Variants in NCAM2 observed in about 807,000 individuals in gnomAD.
NCAM2 encodes the protein neural cell adhesion molecule 2, also known as N-CAM-2.
NCAM2 carries 30 observed loss-of-function variants against 98.1 expected under a neutral mutation model. The observed-to-expected ratio is 0.31, with a 90% CI of 0.23 to 0.41. NCAM2 has a LOEUF of 0.41. NCAM2 is among the 10% of genes least tolerant of loss of function. The pLI, the probability that NCAM2 is intolerant of heterozygous loss-of-function variation, is 1.00. For missense variants in NCAM2, 867 were observed against 1,005.8 expected (o/e 0.86, Z 1.87); for synonymous variants, 368 against 342.4 (o/e 1.07, Z -0.83).
intron 9 of NCAM2, among the ~76,000 whole-genome samples, chr21:21,395,377 G>A (rs553649596): frequency 6.6e-6 from 1 of 152,108 alleles, no homozygotes; most frequent in African/African-American, 2.4e-5. Flanking sequence ...TTAAATTAGG[G>A]AGATAGAACA....
chr21:21,208,946 A>C, intron 1 of NCAM2, among the ~76,000 whole-genome samples: 1 of 152,290 alleles, frequency 6.6e-6, no homozygotes, highest in East Asian at 1.9e-4. Flanking sequence ...TGTATCCTTA[A>C]TAGGCAGGGG....
intron 1 of NCAM2, among the ~76,000 whole-genome samples, chr21:21,053,770 T>G (rs538803634): frequency 5.3e-5 from 8 of 151,728 alleles, no homozygotes; most frequent in African/African-American, 1.9e-4. Context: ...TTATCCATCT[T>G]AATTCCCCTC....
At chr21:21,183,766 A>G (rs1598) in intron 1 of NCAM2, among the ~76,000 whole-genome samples, 70,706 of 151,914 alleles carry the variant, frequency 0.47, 17,133 homozygotes, top group South Asian at 0.6. Flanking sequence ...TTCTTACTGT[A>G]TAGTATCTAA....
At chr21:21,397,844 C>T (rs116517338) in intron 9 of NCAM2, among the ~76,000 whole-genome samples, 3,088 of 152,304 alleles carry the variant, frequency 0.02, 93 homozygotes, top group African/African-American at 0.071. Flanking sequence ...TCCAGATGGG[C>T]TGCCACTGCC....
At chr21:21,537,160 A>G (rs974202016) in intron 17 of NCAM2, among the ~76,000 whole-genome samples, 2 of 151,986 alleles carry the variant, frequency 1.3e-5, no homozygotes, top group African/African-American at 4.8e-5. Flanking sequence ...GTGCAGTGGC[A>G]TGATCTCAGC....
intron 1 of NCAM2, among the ~76,000 whole-genome samples, chr21:21,246,705 C>T (rs1479916292): frequency 6.6e-6 from 1 of 152,054 alleles, no homozygotes; most frequent in Non-Finnish European, 1.5e-5. Flanking sequence ...AAAATAAATC[C>T]ATGAAAAGTT....
At position 21,542,956 on chromosome 21, in the gene NCAM2, T is replaced by C. The variant is rs1191899636; in HGVS notation, c.*4999T>C. 1 of 151,834 alleles carries C rather than the reference T, an allele frequency of 6.6e-6. No homozygotes were observed. The highest frequency in any genetic ancestry group is 1.5e-5 in the Non-Finnish European group (1 of 67,838). The allele number at this position is 151,834 out of a possible 1,614,324, so 9.4% of individuals were successfully genotyped here. A position where few individuals can be genotyped will look rare whatever the true frequency, so the allele number is the denominator to read the frequency against. On this transcript the variant is annotated 3_prime_UTR_variant, in exon 18 of 18. Transcript: ENST00000400546. ...AACTCTTAAAGAAATATTCATGGTTTAGCATTTGCCTCTAAACCCTGTTAG... is the reference window on the plus strand; with the variant it reads ...AACTCTTAAAGAAATATTCATGGTTCAGCATTTGCCTCTAAACCCTGTTAG...
chr21:21,308,160 A>T (rs2073941948), intron 5 of NCAM2, among the ~76,000 whole-genome samples: 1 of 152,096 alleles, frequency 6.6e-6, no homozygotes, highest in Non-Finnish European at 1.5e-5. Context: ...AATTAATGTT[A>T]AAGTTATTAG....
chr21:21,016,526 C>T (rs1228264620), intron 1 of NCAM2, among the ~76,000 whole-genome samples: 2 of 152,050 alleles, frequency 1.3e-5, no homozygotes, highest in Non-Finnish European at 2.9e-5. Context: ...GGGATTTGAA[C>T]TCAGTCTGAT....
chr21:21,421,420 T>G (rs2077108904), intron 11 of NCAM2, among the ~76,000 whole-genome samples: 1 of 3,678 alleles, frequency 2.7e-4, no homozygotes, highest in African/African-American at 1.2e-3. Context: ...TTTCCTAATA[T>G]TCCAAATTTT....
chr21:21,080,067 T>C (rs1193156096), intron 1 of NCAM2, among the ~76,000 whole-genome samples: 1 of 151,298 alleles, frequency 6.6e-6, no homozygotes, highest in Admixed American at 6.6e-5. Context: ...CAAGTGTTCT[T>C]ATACATGCAA....
At chr21:21,536,565 A>G (rs575377207) in intron 17 of NCAM2, among the ~76,000 whole-genome samples, 1 of 151,976 alleles carries the variant, frequency 6.6e-6, no homozygotes, top group Non-Finnish European at 1.5e-5. Flanking sequence ...TTAATTTGGT[A>G]TTTTAGTAAA....
chr21:21,226,084 C>T (rs548498242), intron 1 of NCAM2, among the ~76,000 whole-genome samples: 102 of 152,094 alleles, frequency 6.7e-4, no homozygotes, highest in African/African-American at 2.5e-3. Context: ...CATGTTCTCA[C>T]TTATAAGTAA....
In NCAM2 at chr21:21,508,953, G is replaced by C; in HGVS notation, c.2180G>C (p.Arg727Pro). 1 of 1,612,394 alleles carries C rather than the reference G, an allele frequency of 6.2e-7. No homozygotes were observed. Among genetic ancestry groups the C allele is most frequent in the Non-Finnish European group, 8.5e-7 (1 of 1,179,624 alleles). ...VVTDVSCFFI[R>P]QCGLLMCITR... ...ACAGACGTCAGCTGCTTCTTTATTCGGCAATGTGGGTTGCTGATGTGCATC... is the reference window on the plus strand; with the variant it reads ...ACAGACGTCAGCTGCTTCTTTATTCCGCAATGTGGGTTGCTGATGTGCATC... Residue 727 changes from arginine (R) to proline (P), a missense_variant, in exon 16 of 18, where the codon CGG (arginine) becomes CCG (proline). Physicochemically the swap from Arg to Pro is moderately radical, Grantham distance 103. Coordinates refer to ENST00000400546, the MANE Select transcript of NCAM2 (RefSeq NM_004540.5).
intron 1 of NCAM2, among the ~76,000 whole-genome samples, chr21:21,017,830 C>T (rs2064344457): frequency 6.6e-6 from 1 of 151,942 alleles, no homozygotes; most frequent in Non-Finnish European, 1.5e-5. Context: ...ATTTATGTAA[C>T]ATATATATTT....
At chr21:21,428,255 T>C (rs1005876700) in intron 11 of NCAM2, among the ~76,000 whole-genome samples, 14 of 152,166 alleles carry the variant, frequency 9.2e-5, no homozygotes, top group Admixed American at 2.6e-4. Context: ...TAGAAAAATA[T>C]GGTAACAATG....
At chr21:21,520,700 A>G (rs962718294) in intron 16 of NCAM2, among the ~76,000 whole-genome samples, 2 of 152,186 alleles carry the variant, frequency 1.3e-5, no homozygotes, top group Non-Finnish European at 2.9e-5. Flanking sequence ...AGTGCAAACT[A>G]CCGTCCTGAA....
At chr21:21,464,958 G>A (rs1250459977) in intron 12 of NCAM2, among the ~76,000 whole-genome samples, 1 of 151,996 alleles carries the variant, frequency 6.6e-6, no homozygotes, top group Non-Finnish European at 1.5e-5. Flanking sequence ...TTCCCAATTG[G>A]CCTCCCTTAA....
At chr21:21,270,435 A>T (rs1392996315) in intron 1 of NCAM2, among the ~76,000 whole-genome samples, 1 of 152,178 alleles carries the variant, frequency 6.6e-6, no homozygotes, top group East Asian at 1.9e-4. Flanking sequence ...GATATAAGAC[A>T]AAAAGGATTT....
Sources: gnomAD v4.1 joint callset for allele counts (sites outside exome capture counted in the v4.1 genomes callset) on GRCh38, gnomAD v4.1.1 for gene constraint, MANE v1.5 for transcripts, NCBI Gene and HGNC (gene_info 2026-07-23, HGNC 2026-07-21) for gene names.